The following GIT2 variants were observed in gnomAD, a reference collection of about 807,000 sequenced individuals.
The protein encoded by GIT2 is ARF GTPase-activating protein GIT2.
GIT2 carries 32 observed loss-of-function variants against 100.3 expected under a neutral mutation model. The observed-to-expected ratio is 0.32, with a 90% CI of 0.24 to 0.43. The LOEUF (loss-of-function observed/expected upper bound fraction) is 0.43, where lower values mean the gene tolerates loss of function less well. Among genes scored for constraint, GIT2 ranks in the 20% least tolerant of loss-of-function variants. The pLI is 1.00. For missense variants in GIT2, 737 were observed against 975.1 expected (o/e 0.76, Z 3.25); for synonymous variants, 353 against 364.1 (o/e 0.97, Z 0.35).
At chr12:109,943,842 T>A (rs1240963038) in intron 16 of GIT2, among the ~76,000 whole-genome samples, 1 of 151,836 alleles carries the variant, frequency 6.6e-6, no homozygotes, top group Non-Finnish European at 1.5e-5. Flanking sequence ...CAGGTGCACA[T>A]CAACACACCC....
intron 7 of GIT2, among the ~76,000 whole-genome samples, chr12:109,975,821 G>A (rs544804844): frequency 3.5e-4 from 52 of 147,618 alleles, no homozygotes; most frequent in Admixed American, 6.1e-4. Flanking sequence ...ACCCAGGCTG[G>A]AGTGCAGTGG....
chr12:109,976,283 ATTT>A (rs1187840816), intron 7 of GIT2, among the ~76,000 whole-genome samples: 2 of 134,906 alleles, frequency 1.5e-5, no homozygotes. Context: ...CTACTAGATA[ATTT>A]TTTTTTTTTT....
Position 109,940,758 on chromosome 12 carries a change from C to T in GIT2, c.1732-1511G>A, listed in dbSNP as rs141569049. On this transcript the variant is annotated intron_variant, in intron 16 of 19. Coordinates refer to ENST00000355312, the MANE Select transcript of GIT2 (RefSeq NM_057169.5). Reference sequence around the variant, plus strand: ...AGCTGGGTGTGGTAGTGCACACCTGCAGTTCAGCTACTCGGGAGGCTGAGG... The same window carrying T: ...AGCTGGGTGTGGTAGTGCACACCTGTAGTTCAGCTACTCGGGAGGCTGAGG... Among the ~76,000 whole-genome samples, 1,035 of 152,020 alleles carry T rather than the reference C, an allele frequency of 6.8e-3. 1 individual carries two copies. Among genetic ancestry groups the T allele is most frequent in the Non-Finnish European group, 9.4e-3 (641 of 67,980 alleles).
At position 109,948,438 on chromosome 12, in the gene GIT2, C is replaced by T; in HGVS notation, c.1393-934G>A. On this transcript the variant is annotated intron_variant, in intron 14 of 19. Transcript: ENST00000355312. The surrounding 1 kb of genome is among the most constrained non-coding windows in gnomAD (Gnocchi z 4.3). The stretch of plus-strand genomic sequence containing the variant: ...CCCTGAATGCTCCTTCCATTCCTCA[C>T]ATGCAGGCTGCTCCATGGTGCTGGA... 9.8e-7 allele frequency: 1 copy of T among 1,022,848 alleles called. No homozygotes were observed. The highest frequency in any genetic ancestry group is 1.2e-6 in the Non-Finnish European group (1 of 854,606). The allele number at this position is 1,022,848 out of a possible 1,614,324, so 63.4% of individuals were successfully genotyped here.
chr12:109,938,476 G>T lies in GIT2; in HGVS notation c.1907C>A (p.Thr636Asn), dbSNP rs1341377436. The change falls in exon 18 of 20, where the codon ACT becomes AAT. Residue 636 changes from threonine to asparagine, a missense_variant. Physicochemically the swap from Thr to Asn is moderately conservative, Grantham distance 65. Around this residue, in one of 3 missense-constraint regions of GIT2, gnomAD observed 451 missense variants for 543.7 expected, o/e 0.83. Transcript: ENST00000355312. ...TAEPHVAPSP[T>N]LPSTEDVIRK... is the part of the protein sequence containing the mutation. ...GATGACATCTTCGGTGCTAGGGAGA[G>T]TGGGGCTTGGGGCCACATGGGGTTC... The T allele has an allele frequency of 6.2e-7, 1 of 1,613,768 alleles. No homozygotes were observed. The highest frequency in any genetic ancestry group is 1.7e-5 in the Admixed American group (1 of 60,012).
At chr12:109,990,307 T>C (rs1174202388) in intron 2 of GIT2, among the ~76,000 whole-genome samples, 3 of 152,224 alleles carry the variant, frequency 2.0e-5, no homozygotes, top group Admixed American at 6.5e-5. Flanking sequence ...ATTTGGGGAA[T>C]TGTTGCTTTA....
intron 18 of GIT2, among the ~76,000 whole-genome samples, chr12:109,938,003 C>T (rs181355874): frequency 1.3e-5 from 2 of 152,186 alleles, no homozygotes; most frequent in African/African-American, 4.8e-5. Context: ...GTGCCCAGCC[C>T]AGGATACCTT....
At chr12:109,986,144 A>AATT (rs1364413601) in intron 4 of GIT2, among the ~76,000 whole-genome samples, 2 of 151,992 alleles carry the variant, frequency 1.3e-5, no homozygotes, top group Non-Finnish European at 2.9e-5. Flanking sequence ...ATCCTACTAA[A>AATT]ATTATTCCAA....
chr12:109,994,647 C>T (rs547446487), intron 1 of GIT2, among the ~76,000 whole-genome samples: 25 of 152,246 alleles, frequency 1.6e-4, no homozygotes, highest in African/African-American at 5.8e-4. Context: ...TTCTGAAATG[C>T]ACAAAATGCT....
chr12:109,989,049 T>G lies in GIT2; in HGVS notation c.319A>C (p.Ile107Leu). The change falls in exon 4 of 20, where the codon ATC (isoleucine) becomes CTC (leucine). Residue 107 changes from isoleucine to leucine, a missense_variant. Physicochemically the swap from Ile to Leu is conservative, Grantham distance 5 (BLOSUM62 2). Coordinates refer to ENST00000355312, the MANE Select transcript of GIT2 (RefSeq NM_057169.5). ...DKVHPNKAEF[I>L]RAKYQMLAFV... ...GCTAACATCTGATACTTGGCTCTGA[T>G]GAATTCCGCTTTATTGGGACTGGTT... The G allele has an allele frequency of 1.2e-6, 2 of 1,610,536 alleles. No individual in the cohort carries two copies. Among genetic ancestry groups the G allele is most frequent in the Non-Finnish European group, 1.7e-6 (2 of 1,176,762 alleles).
In GIT2 at chr12:109,948,275, A is replaced by AT; in HGVS notation, c.1393-772dup. ...GCTTGCTTCCGTCTGGTGAGTGATC[A>AT]TCTTTCGGCCAGGGCTGGAATATTT... On this transcript the variant is annotated intron_variant, in intron 14 of 19. Transcript: ENST00000355312. The surrounding 1 kb of genome is among the most constrained non-coding windows in gnomAD (Gnocchi z 4.3). 1 of 986,690 alleles carries AT rather than the reference A, an allele frequency of 1.0e-6. No individual in the cohort carries two copies. 61.1% of individuals were successfully genotyped at this position (986,690 alleles called of 1,614,324 possible).
chr12:109,956,269 G>T (rs1468321406), intron 12 of GIT2, among the ~76,000 whole-genome samples: 3 of 152,148 alleles, frequency 2.0e-5, no homozygotes, highest in Admixed American at 6.5e-5. Flanking sequence ...ATGCTAGGGT[G>T]CAGACGTGAT....
intron 16 of GIT2, among the ~76,000 whole-genome samples, chr12:109,940,725 C>A (rs1053608462): frequency 8.6e-5 from 13 of 151,802 alleles, no homozygotes; most frequent in African/African-American, 3.1e-4. Context: ...ACTAAAAGTA[C>A]AAAAATTAGC....
intron 18 of GIT2, 80 bp downstream of exon 18, chr12:109,938,300 G>T: frequency 2.1e-6 from 2 of 951,926 alleles, no homozygotes; most frequent in Non-Finnish European, 3.2e-6. Flanking sequence ...GGGAATAGCT[G>T]CCATTAGGAA....
At chr12:109,958,541 G>A (rs1300951277) in intron 12 of GIT2, among the ~76,000 whole-genome samples, 1 of 152,014 alleles carries the variant, frequency 6.6e-6, no homozygotes, top group African/African-American at 2.4e-5. Flanking sequence ...CCACGCCCAG[G>A]CCATTTTAAG....
chr12:109,991,976 C>A (rs1888481005), intron 1 of GIT2: 1 of 467,020 alleles, frequency 2.1e-6, no homozygotes, highest in Non-Finnish European at 3.8e-6. Flanking sequence ...CCAGTGGGAG[C>A]CTTGGGTAAA....
chr12:109,941,529 CTTTTTTTT>C (rs931997843), intron 16 of GIT2, among the ~76,000 whole-genome samples: 1 of 144,158 alleles, frequency 6.9e-6, no homozygotes, highest in Non-Finnish European at 1.5e-5. Context: ...TAACTTTTTT[CTTTTTTTT>C]TTTTGAGATT....
At position 109,934,827 on chromosome 12, in the gene GIT2, G is replaced by C. The variant is rs1401419935; in HGVS notation, c.2004-742C>G. Among the ~76,000 whole-genome samples, 4 of 152,182 alleles carry C rather than the reference G, an allele frequency of 2.6e-5. No individual in the cohort carries two copies. The highest frequency in any genetic ancestry group is 9.6e-5 in the African/African-American group (4 of 41,456). On this transcript the variant is annotated intron_variant, in intron 18 of 19. Coordinates refer to ENST00000355312, the MANE Select transcript of GIT2 (RefSeq NM_057169.5). This position sits in a 1 kb window ranked among gnomAD's most constrained non-coding sequence, Gnocchi z 4.5. ...GCAGTGGCTCACGCCTGTAATCCCA[G>C]CACTTTGGGAGGCCAAAGCGGGCGG...
rs777118537 is a variant in GIT2 at position 109,932,969 on chromosome 12, C to G, written c.*9G>C. On this transcript the variant is annotated 3_prime_UTR_variant, in exon 20 of 20. Transcript: ENST00000355312. ...CCTAGAAAACAGAGGAGGCGGTGCC[C>G]TGCCCTTGTCAGTTGTTGTTCTCTT... 6.4e-7 allele frequency: 1 copy of G among 1,553,198 alleles called. No homozygotes were observed.
Sources: allele counts gnomAD v4.1 joint callset (sites outside exome capture counted in the v4.1 genomes callset), GRCh38; gene constraint gnomAD v4.1.1; regional missense constraint gnomAD v4.1.1; non-coding constraint Gnocchi (gnomAD v3.1); transcripts MANE v1.5; gene names NCBI Gene and HGNC (gene_info 2026-07-23, HGNC 2026-07-21).